The following CACNA2D3 variants were observed in gnomAD, a reference collection of about 807,000 sequenced individuals.
The protein encoded by CACNA2D3 is calcium voltage-gated channel auxiliary subunit alpha2delta 3.
Under a neutral mutation model 160.6 loss-of-function variants are expected in CACNA2D3, and 60 were observed. That is an observed-to-expected ratio of 0.37 (90% CI 0.30 to 0.46). The LOEUF (loss-of-function observed/expected upper bound fraction) is 0.46. CACNA2D3 is among the 20% of genes least tolerant of loss of function. The probability of loss-of-function intolerance (pLI) is 1.00; values close to 1 mark genes in which losing one functional copy is unlikely to be tolerated. For synonymous variants in CACNA2D3, 558 were observed against 492.9 expected, an observed-to-expected ratio of 1.13 and a Z score of -1.75; for missense variants, 1,205 against 1,365.0, an observed-to-expected ratio of 0.88 and a Z score of 1.85.
At chr3:55,003,328 C>T (rs927523869) in intron 31 of CACNA2D3, among the ~76,000 whole-genome samples, 2 of 152,164 alleles carry the variant, frequency 1.3e-5, no homozygotes, top group African/African-American at 4.8e-5. Context: ...GAATGCCAGA[C>T]TCCTTTGGCT....
intron 3 of CACNA2D3, among the ~76,000 whole-genome samples, chr3:54,366,119 G>T (rs147859838): frequency 2.6e-4 from 39 of 152,310 alleles, no homozygotes; most frequent in African/African-American, 8.7e-4. Context: ...GTCAAATGTT[G>T]CAGTGCAAGA....
At chr3:54,731,133 T>G (rs1384710232) in intron 11 of CACNA2D3, among the ~76,000 whole-genome samples, 2 of 152,170 alleles carry the variant, frequency 1.3e-5, no homozygotes, top group Admixed American at 6.5e-5. Context: ...ATCTTGTGAT[T>G]TTATGTAGTT....
chr3:55,054,008 G>T (rs1311547301), intron 35 of CACNA2D3, among the ~76,000 whole-genome samples: 1 of 151,148 alleles, frequency 6.6e-6, no homozygotes, highest in Admixed American at 6.6e-5. Context: ...ACTATTTTAT[G>T]ATTCCATTTT....
intron 4 of CACNA2D3, among the ~76,000 whole-genome samples, chr3:54,466,035 C>G (rs1038446969): frequency 1.3e-5 from 2 of 152,196 alleles, no homozygotes; most frequent in Non-Finnish European, 2.9e-5. Flanking sequence ...AAACCACCAA[C>G]CGTGTGTTGA....
chr3:54,805,680 G>A (rs1165818046), intron 13 of CACNA2D3, among the ~76,000 whole-genome samples: 2 of 152,176 alleles, frequency 1.3e-5, no homozygotes, highest in Non-Finnish European at 2.9e-5. Flanking sequence ...GAAAAAGAGT[G>A]AATCCTCCCT....
intron 27 of CACNA2D3, among the ~76,000 whole-genome samples, chr3:54,963,525 T>C (rs574334729): frequency 6.6e-6 from 1 of 152,362 alleles, no homozygotes; most frequent in African/African-American, 2.4e-5. Flanking sequence ...TTTTAGTTAA[T>C]TTTTATTTAA....
chr3:54,624,576 C>G (rs112313986), intron 9 of CACNA2D3, among the ~76,000 whole-genome samples: 5 of 152,236 alleles, frequency 3.3e-5, no homozygotes, highest in African/African-American at 1.2e-4. Flanking sequence ...GAGCCGAGAT[C>G]GCACCCACTG....
chr3:54,326,987 T>C (rs576812943), intron 3 of CACNA2D3, among the ~76,000 whole-genome samples: 10 of 152,326 alleles, frequency 6.6e-5, no homozygotes, highest in African/African-American at 1.9e-4. Context: ...CGTACGTATA[T>C]ATGTAAGGAA....
chr3:54,159,158 C>T (rs1457435507), intron 2 of CACNA2D3, among the ~76,000 whole-genome samples: 1 of 151,990 alleles, frequency 6.6e-6, no homozygotes, highest in Non-Finnish European at 1.5e-5. Context: ...ATTCAGTCAT[C>T]ATAAAAACAG....
At chr3:54,980,844 A>G (rs1702491217) in intron 29 of CACNA2D3, among the ~76,000 whole-genome samples, 1 of 152,232 alleles carries the variant, frequency 6.6e-6, no homozygotes, top group Non-Finnish European at 1.5e-5. Flanking sequence ...AAATGTTTAC[A>G]TTTTTGAAGG....
intron 13 of CACNA2D3, among the ~76,000 whole-genome samples, chr3:54,801,999 G>A (rs1364114890): frequency 6.6e-6 from 1 of 152,128 alleles, no homozygotes; most frequent in African/African-American, 2.4e-5. Context: ...ATTAGAATGA[G>A]GACATGACTA....
Position 54,608,593 on chromosome 3 carries a change from G to A in CACNA2D3, c.964-19194G>A, listed in dbSNP as rs545924531. ...CGTAAGGTTTTTCCTCCCTTGCCAA[G>A]CTTTGAGATAACAAAGACTGGTGTA... On this transcript the variant is annotated intron_variant, in intron 9 of 37. Coordinates refer to ENST00000474759, the MANE Select transcript of CACNA2D3 (RefSeq NM_018398.3). Among the ~76,000 whole-genome samples, 7 of 151,352 alleles carry A rather than the reference G, an allele frequency of 4.6e-5. No homozygotes were observed. In the East Asian group the frequency reaches 1.4e-3, roughly 29 times the overall value.
intron 27 of CACNA2D3, among the ~76,000 whole-genome samples, chr3:54,904,408 G>C (rs1298400731): frequency 6.6e-6 from 1 of 152,076 alleles, no homozygotes; most frequent in Non-Finnish European, 1.5e-5. Flanking sequence ...TCCTCAAATC[G>C]TCTGTCTGAC....
chr3:54,426,321 ATGT>A (rs1382940115), intron 4 of CACNA2D3, among the ~76,000 whole-genome samples: 5 of 152,300 alleles, frequency 3.3e-5, no homozygotes, highest in Admixed American at 1.3e-4. Context: ...GCTCTAAGTT[ATGT>A]TGTTGTTCTT....
At chr3:54,580,621 G>A (rs1316859162) in intron 8 of CACNA2D3, among the ~76,000 whole-genome samples, 1 of 152,196 alleles carries the variant, frequency 6.6e-6, no homozygotes, top group Admixed American at 6.5e-5. Context: ...ATGGTCCTCA[G>A]GCACCTACTG....
chr3:54,236,666 C>T (rs11916400), intron 2 of CACNA2D3, among the ~76,000 whole-genome samples: 3,648 of 152,174 alleles, frequency 0.024, 74 homozygotes, highest in Middle Eastern at 0.061. Context: ...CCGGGGTCAT[C>T]GGGTGACTCT....
intron 3 of CACNA2D3, among the ~76,000 whole-genome samples, chr3:54,371,820 C>G (rs926259696): frequency 2.6e-5 from 4 of 152,134 alleles, no homozygotes; most frequent in African/African-American, 9.7e-5. Flanking sequence ...ATTTTGAAGT[C>G]AAGAAATCTC....
intron 17 of CACNA2D3, among the ~76,000 whole-genome samples, chr3:54,870,404 AAGCTGG>A (rs1699498722): frequency 6.6e-6 from 1 of 152,202 alleles, no homozygotes; most frequent in Admixed American, 6.5e-5. Flanking sequence ...AAAGATGACC[AAGCTGG>A]AGAGAAAAGT....
intron 27 of CACNA2D3, among the ~76,000 whole-genome samples, chr3:54,908,359 A>G (rs991601831): frequency 3.9e-5 from 6 of 152,112 alleles, no homozygotes; most frequent in Non-Finnish European, 8.8e-5. Context: ...GCCCATATTT[A>G]AATTAAATTA....
Sources: allele counts gnomAD v4.1 joint callset (sites outside exome capture counted in the v4.1 genomes callset), GRCh38; gene constraint gnomAD v4.1.1; transcripts MANE v1.5; gene names NCBI Gene and HGNC (gene_info 2026-07-23, HGNC 2026-07-21).